The following RSPO4 variants were observed in gnomAD, a reference collection of about 807,000 sequenced individuals.
The protein encoded by RSPO4 is R-spondin 4, also known as R-spondin-4.
A neutral mutation model predicts 24.8 loss-of-function variants in RSPO4; 23 were observed. That is an observed-to-expected ratio of 0.93 (90% confidence interval 0.67 to 1.31). The LOEUF is 1.31. Among genes scored for constraint, RSPO4 ranks in the 40% most tolerant of loss-of-function variants. RSPO4 has a pLI of 0.00. For synonymous variants in RSPO4, 141 were observed against 127.4 expected, an observed-to-expected ratio of 1.11 and a Z score of -0.72; for missense variants, 333 against 316.5, an observed-to-expected ratio of 1.05 and a Z score of -0.39.
intron 1 of RSPO4, among the ~76,000 whole-genome samples, chr20:996,144 G>A (rs1246609997): frequency 6.6e-6 from 1 of 152,134 alleles, no homozygotes; most frequent in Admixed American, 6.5e-5. Context: ...AAGGCCTAAA[G>A]TATTTACTAT....
At chr20:969,200 C>T (rs537546463) in intron 1 of RSPO4, among the ~76,000 whole-genome samples, 2 of 152,374 alleles carry the variant, frequency 1.3e-5, no homozygotes, top group East Asian at 1.9e-4. Flanking sequence ...CCTGTAGTCC[C>T]AGCTACTTGG....
In RSPO4 at chr20:1,002,230, G is replaced by A. The variant is rs1378253308; in HGVS notation, c.-66C>T. On this transcript the variant is annotated 5_prime_UTR_variant, in exon 1 of 5. Transcript: ENST00000217260. This position sits in a 1 kb window ranked among gnomAD's most constrained non-coding sequence, Gnocchi z 4.6. ...GACGGCCCAAGGGCCCCACGTCCCG[G>A]CGGCGGCACGGCGGGCGCGGGGGCT... 59 of 1,191,002 alleles carry A rather than the reference G, an allele frequency of 5.0e-5. No homozygotes were observed. Among genetic ancestry groups the A allele is most frequent in the Non-Finnish European group, 6.2e-5 (57 of 921,370 alleles). The allele number at this position is 1,191,002 out of a possible 1,614,324, so 73.8% of individuals were successfully genotyped here.
At chr20:963,789 G>A in intron 4 of RSPO4, 146 bp downstream of exon 4, 1 of 805,540 alleles carries the variant, frequency 1.2e-6, no homozygotes, top group Non-Finnish European at 2.1e-6. Flanking sequence ...CACCAGGGAA[G>A]GTGATGTGTA....
intron 1 of RSPO4, among the ~76,000 whole-genome samples, chr20:988,697 C>CCCA (rs1168910988): frequency 1.3e-5 from 2 of 152,018 alleles, no homozygotes; most frequent in African/African-American, 4.8e-5. Context: ...ATTACAGGCA[C>CCCA]CCACCACCAT....
At position 1,002,209 on chromosome 20, in the gene RSPO4, GCCCAAGGGCCC is replaced by G. The variant is rs1985494618; in HGVS notation, c.-56_-46del. On this transcript the variant is annotated 5_prime_UTR_variant, in exon 1 of 5. Coordinates refer to ENST00000217260, the MANE Select transcript of RSPO4 (RefSeq NM_001029871.4). This position sits in a 1 kb window ranked among gnomAD's most constrained non-coding sequence, Gnocchi z 4.6. ...CTGGCGCTCCCCAGGCGGCCCGACGGCCCAAGGGCCCCACGTCCCGGCGGCGGCACGGCGGG... is the reference window on the plus strand; with the variant it reads ...CTGGCGCTCCCCAGGCGGCCCGACGGCACGTCCCGGCGGCGGCACGGCGGG... 4 of 1,411,090 alleles carry G rather than the reference GCCCAAGGGCCC, an allele frequency of 2.8e-6. No individual in the cohort carries two copies. The highest frequency in any genetic ancestry group is 3.8e-6 in the Non-Finnish European group (4 of 1,063,198). 87.4% of individuals were successfully genotyped at this position (1,411,090 alleles called of 1,614,324 possible).
At chr20:988,843 G>A (rs1419585591) in intron 1 of RSPO4, among the ~76,000 whole-genome samples, 3 of 152,082 alleles carry the variant, frequency 2.0e-5, no homozygotes, top group Non-Finnish European at 2.9e-5. Context: ...GAGCCACTGC[G>A]CCCAGCCAGA....
At chr20:986,884 C>T (rs986271462) in intron 1 of RSPO4, among the ~76,000 whole-genome samples, 5 of 152,182 alleles carry the variant, frequency 3.3e-5, no homozygotes, top group Admixed American at 6.5e-5. Context: ...AATAACCATA[C>T]GCAAAGCTGT....
Position 967,068 on chromosome 20 carries a change from A to G in RSPO4, c.409+106T>C, listed in dbSNP as rs1984226443. ...GTGGTGCTGGGCCTTCCCTCACCAT[A>G]TGGCATTCTACTGTAATTTCTTCCA... On this transcript the variant is annotated intron_variant, in intron 3 of 4. Coordinates refer to ENST00000217260, the MANE Select transcript of RSPO4 (RefSeq NM_001029871.4). 4 of 1,142,838 alleles carry G rather than the reference A, an allele frequency of 3.5e-6. No homozygotes were observed. In the East Asian group the frequency reaches 1.0e-4, roughly 29 times the overall value. The allele number at this position is 1,142,838 out of a possible 1,614,324, so 70.8% of individuals were successfully genotyped here.
intron 1 of RSPO4, among the ~76,000 whole-genome samples, chr20:973,142 G>A (rs1035123481): frequency 6.6e-6 from 1 of 151,674 alleles, no homozygotes; most frequent in Non-Finnish European, 1.5e-5. Flanking sequence ...AGGGCCTCCT[G>A]TGTCAGGCAG....
intron 1 of RSPO4, among the ~76,000 whole-genome samples, chr20:978,479 C>G (rs952919294): frequency 1.3e-5 from 2 of 152,166 alleles, no homozygotes; most frequent in Admixed American, 6.5e-5. Context: ...TTGTAGGTGC[C>G]CACTGACTAC....
intron 1 of RSPO4, among the ~76,000 whole-genome samples, chr20:975,198 C>G (rs1984524499): frequency 6.6e-6 from 1 of 152,210 alleles, no homozygotes; most frequent in Non-Finnish European, 1.5e-5. Context: ...CACCACCTAT[C>G]CAACCTGATC....
At chr20:979,575 C>T (rs1984674902) in intron 1 of RSPO4, among the ~76,000 whole-genome samples, 1 of 151,826 alleles carries the variant, frequency 6.6e-6, no homozygotes, top group African/African-American at 2.4e-5. Flanking sequence ...CACCTGTGCA[C>T]TCCTCCCAGA....
At position 985,008 on chromosome 20, in the gene RSPO4, C is replaced by T. The variant is rs562055450; in HGVS notation, c.80-16870G>A. Among the ~76,000 whole-genome samples, 58 of 146,170 alleles carry T rather than the reference C, an allele frequency of 4.0e-4. 4 individuals are homozygous for T. Among genetic ancestry groups the T allele is most frequent in the African/African-American group, 1.5e-3 (57 of 37,976 alleles). On this transcript the variant is annotated intron_variant, in intron 1 of 4. Coordinates refer to ENST00000217260, the MANE Select transcript of RSPO4 (RefSeq NM_001029871.4). The stretch of plus-strand genomic sequence containing the variant: ...CCACCCATCTATCCATCCATCCATC[C>T]ACCCATCCATCCATCCACCAACCCA...
chr20:964,423 A>C (rs1387001153), intron 3 of RSPO4, among the ~76,000 whole-genome samples: 1 of 152,110 alleles, frequency 6.6e-6, no homozygotes, highest in Non-Finnish European at 1.5e-5. Flanking sequence ...GAGAAGAAGG[A>C]AGCCCATTCC....
At chr20:971,180 T>C (rs936374195) in intron 1 of RSPO4, among the ~76,000 whole-genome samples, 2 of 152,336 alleles carry the variant, frequency 1.3e-5, no homozygotes, top group Middle Eastern at 3.4e-3. Context: ...GCTTCTGGTA[T>C]ATACCCTAGA....
chr20:981,605 G>A lies in RSPO4; in HGVS notation c.80-13467C>T, dbSNP rs1053186474. ...CTGACTCCTTTCGCCACTCATAGGAGGGGCATTTCCCCAAGCAGCCTGAGT... is the reference window on the plus strand; with the variant it reads ...CTGACTCCTTTCGCCACTCATAGGAAGGGCATTTCCCCAAGCAGCCTGAGT... On this transcript the variant is annotated intron_variant, in intron 1 of 4. Coordinates refer to ENST00000217260, the MANE Select transcript of RSPO4 (RefSeq NM_001029871.4). The surrounding 1 kb of genome is among the most constrained non-coding windows in gnomAD (Gnocchi z 4.6). Among the ~76,000 whole-genome samples, 10 of 152,200 alleles carry A rather than the reference G, an allele frequency of 6.6e-5. No individual in the cohort carries two copies. The highest frequency in any genetic ancestry group is 5.9e-5 in the Non-Finnish European group (4 of 68,024).
chr20:967,857 C>G, intron 2 of RSPO4, 93 bp downstream of exon 2: 1 of 1,255,098 alleles, frequency 8.0e-7, no homozygotes, highest in Non-Finnish European at 1.2e-6. Context: ...GCACCTACTT[C>G]CCCTCTGTCT....
Position 958,794 on chromosome 20 carries a change from CT to C in RSPO4, c.*1562del, listed in dbSNP as rs1387560626. ...ACCATCTTCCTTCCCCAGGCCACCC[CT>C]GGGCCCCTTGGAGCTCCGACTCTTG... On this transcript the variant is annotated 3_prime_UTR_variant, in exon 5 of 5. Coordinates refer to ENST00000217260, the MANE Select transcript of RSPO4 (RefSeq NM_001029871.4). The C allele has an allele frequency of 6.6e-6, 1 of 152,532 alleles. No homozygotes were observed. The highest frequency in any genetic ancestry group is 6.5e-5 in the Admixed American group (1 of 15,292). The allele number at this position is 152,532 out of a possible 1,614,324, so 9.4% of individuals were successfully genotyped here. A position where few individuals can be genotyped will look rare whatever the true frequency, so the allele number is the denominator to read the frequency against.
chr20:971,952 A>T (rs1308863538), intron 1 of RSPO4, among the ~76,000 whole-genome samples: 1 of 152,198 alleles, frequency 6.6e-6, no homozygotes, highest in Admixed American at 6.6e-5. Flanking sequence ...GAGCAGGGGA[A>T]GGTGACAAAT....
Sources: allele counts gnomAD v4.1 joint callset (sites outside exome capture counted in the v4.1 genomes callset), GRCh38; gene constraint gnomAD v4.1.1; non-coding constraint Gnocchi (gnomAD v3.1); transcripts MANE v1.5; gene names NCBI Gene and HGNC (gene_info 2026-07-23, HGNC 2026-07-21).